Variants in EIF4A2 observed in about 807,000 individuals in gnomAD.
EIF4A2 encodes eukaryotic initiation factor 4A-II.
In EIF4A2, 9 loss-of-function variants were observed where a neutral mutation model predicts 50.6. That is an observed-to-expected ratio of 0.18 (90% CI 0.11 to 0.31). EIF4A2 has a LOEUF of 0.31. Among genes scored for constraint, EIF4A2 ranks in the 10% least tolerant of loss-of-function variants. The pLI, the probability that EIF4A2 is intolerant of heterozygous loss-of-function variation, is 1.00. For missense variants in EIF4A2, 182 were observed against 501.8 expected, an observed-to-expected ratio of 0.36 and a Z score of 6.09; for synonymous variants, 215 against 164.4, an observed-to-expected ratio of 1.31 and a Z score of -2.35.
chr3:186,789,344 T>C lies in EIF4A2; in HGVS notation c.*75T>C, dbSNP rs1721987858. 2.0e-6 allele frequency: 3 copies of C among 1,514,426 alleles called. No homozygotes were observed. In the Admixed American group the frequency reaches 6.6e-5, roughly 33 times the overall value. 93.8% of individuals were successfully genotyped at this position (1,514,426 alleles called of 1,614,324 possible). On this transcript the variant is annotated 3_prime_UTR_variant, in exon 11 of 11. Transcript: ENST00000323963. The stretch of plus-strand genomic sequence containing the variant: ...GATCACAACGTGCATTGTGCTTCTT[T>C]CTTTGGGAATATTTGAATCTTGTCT...
chr3:186,789,356 TTTGAATC>T lies in EIF4A2; in HGVS notation c.*91_*97del. The T allele has an allele frequency of 1.3e-6, 2 of 1,502,626 alleles. No individual in the cohort carries two copies. Among genetic ancestry groups the T allele is most frequent in the Non-Finnish European group, 1.8e-6 (2 of 1,120,964 alleles). 93.1% of individuals were successfully genotyped at this position (1,502,626 alleles called of 1,614,324 possible). A position where few individuals can be genotyped will look rare whatever the true frequency, so the allele number is the denominator to read the frequency against. Reference sequence around the variant, plus strand: ...CATTGTGCTTCTTTCTTTGGGAATATTTGAATCTTGTCTCAATGCTCATAACGGATCA... The same window carrying T: ...CATTGTGCTTCTTTCTTTGGGAATATTTGTCTCAATGCTCATAACGGATCA... On this transcript the variant is annotated 3_prime_UTR_variant, in exon 11 of 11. Coordinates refer to ENST00000323963, the MANE Select transcript of EIF4A2 (RefSeq NM_001967.4).
chr3:186,789,870 GTTAAATAAATTGTATA>G lies in EIF4A2; in HGVS notation c.*604_*619del, dbSNP rs1722013509. On this transcript the variant is annotated 3_prime_UTR_variant, in exon 11 of 11. Coordinates refer to ENST00000323963, the MANE Select transcript of EIF4A2 (RefSeq NM_001967.4). ...GCACATGTCTTAATGAAGTTTGAAT[GTTAAATAAATTGTATA>G]TTCACTTTAAAGGTGCTTTTGGTCA... 3.2e-5 allele frequency: 25 copies of G among 785,382 alleles called. No individual in the cohort carries two copies. The East Asian group carries it at 6.7e-4, about 21-fold the overall frequency. 48.7% of individuals were successfully genotyped at this position (785,382 alleles called of 1,614,324 possible). A position where few individuals can be genotyped will look rare whatever the true frequency, so the allele number is the denominator to read the frequency against.
rs1433398821 is a variant in EIF4A2 at position 186,786,228 on chromosome 3, G to A, written c.582G>A (p.Lys194=). 1.9e-6 allele frequency: 3 copies of A among 1,613,748 alleles called. No individual in the cohort carries two copies. The highest frequency in any genetic ancestry group is 1.7e-5 in the Admixed American group (1 of 59,988). ...EADEMLSRGF[K]DQIYEIFQKL... ...ATGAAATGTTGAGCCGTGGTTTTAA[G>A]GATCAAATCTATGAGATTTTCCAAA... The change falls in exon 6 of 11, where the codon AAG becomes AAA. Residue 194 remains lysine (K), a synonymous_variant. Coordinates refer to ENST00000323963, the MANE Select transcript of EIF4A2 (RefSeq NM_001967.4).
intron 10 of EIF4A2, chr3:186,788,458 ATTT>A: frequency 4.9e-6 from 6 of 1,224,614 alleles, no homozygotes; most frequent in South Asian, 1.4e-5. Flanking sequence ...TGATTATTTG[ATTT>A]TTAAGTTGCT....
chr3:186,788,417 G>A, intron 10 of EIF4A2: 5 of 1,258,956 alleles, frequency 4.0e-6, no homozygotes, highest in Non-Finnish European at 5.1e-6. Context: ...TAAAGAGCGA[G>A]TCGGTATTTA....
chr3:186,787,233 T>G lies in EIF4A2; in HGVS notation c.878T>G (p.Met293Arg). 6.2e-7 allele frequency: 1 copy of G among 1,614,142 alleles called. No homozygotes were observed. Among genetic ancestry groups the G allele is most frequent in the Non-Finnish European group, 8.5e-7 (1 of 1,180,004 alleles). Reference sequence around the variant, plus strand: ...AAGGTGGACTGGCTGACTGAGAAGATGCATGCCAGAGACTTCACAGTTTCT... The same window carrying G: ...AAGGTGGACTGGCTGACTGAGAAGAGGCATGCCAGAGACTTCACAGTTTCT... ...RRKVDWLTEK[M>R]HARDFTVSAL... is the part of the protein sequence containing the mutation. The change falls in exon 8 of 11, where the codon ATG (methionine) becomes AGG (arginine). Residue 293 changes from methionine to arginine, a missense_variant. Met to Arg is a moderately conservative substitution (Grantham distance 91). Around this residue, in one of 7 missense-constraint regions of EIF4A2, gnomAD observed 113 missense variants for 357.3 expected, o/e 0.32. Transcript: ENST00000323963.
Position 186,789,349 on chromosome 3 carries a change from G to C in EIF4A2, c.*80G>C. The C allele has an allele frequency of 3.3e-6, 5 of 1,506,462 alleles. No individual in the cohort carries two copies. The East Asian group carries it at 7.0e-5, about 21-fold the overall frequency. 93.3% of individuals were successfully genotyped at this position (1,506,462 alleles called of 1,614,324 possible). On this transcript the variant is annotated 3_prime_UTR_variant, in exon 11 of 11. Coordinates refer to ENST00000323963, the MANE Select transcript of EIF4A2 (RefSeq NM_001967.4). ...CAACGTGCATTGTGCTTCTTTCTTT[G>C]GGAATATTTGAATCTTGTCTCAATG...
rs371597681 is a variant in EIF4A2 at position 186,789,301 on chromosome 3, C to A, written c.*32C>A. 3 of 1,586,770 alleles carry A rather than the reference C, an allele frequency of 1.9e-6. No individual in the cohort carries two copies. Among genetic ancestry groups the A allele is most frequent in the Admixed American group, 1.8e-5 (1 of 55,996 alleles). ...GGATGAGAGTTTTGGATGCAGTGCT[C>A]GCTGTTGCTGAATAGGCGATCACAA... On this transcript the variant is annotated 3_prime_UTR_variant, in exon 11 of 11. Coordinates refer to ENST00000323963, the MANE Select transcript of EIF4A2 (RefSeq NM_001967.4).
chr3:186,784,921 T>C, intron 3 of EIF4A2, 41 bp from the exon 4 acceptor site: 2 of 1,613,992 alleles, frequency 1.2e-6, no homozygotes, highest in Non-Finnish European at 1.7e-6. Flanking sequence ...GAAGTGACAA[T>C]TTGATGTGGG....
intron 1 of EIF4A2, 74 bp from the exon 2 acceptor site, chr3:186,784,358 C>T (rs1238678766): frequency 3.1e-6 from 5 of 1,609,866 alleles, no homozygotes; most frequent in Non-Finnish European, 4.2e-6. Context: ...AGACGGGTTG[C>T]AAAGGGCTAT....
chr3:186,785,674 G>A, intron 4 of EIF4A2: 1 of 539,292 alleles, frequency 1.9e-6, no homozygotes, highest in Non-Finnish European at 3.2e-6. Flanking sequence ...TGGAGCAGCA[G>A]CATCCCAAGT....
chr3:186,783,856 C>T (rs938224073), intron 1 of EIF4A2: 4 of 666,604 alleles, frequency 6.0e-6, no homozygotes, highest in East Asian at 2.8e-5. Context: ...GGCGTTTTTC[C>T]TCTCTAAGAC....
chr3:186,787,370 T>G, intron 8 of EIF4A2, 106 bp downstream of exon 8: 1 of 1,610,448 alleles, frequency 6.2e-7, no homozygotes. Flanking sequence ...AATAAAGTTG[T>G]TTCTTAACTA....
chr3:186,785,319 C>T, intron 4 of EIF4A2: 2 of 631,828 alleles, frequency 3.2e-6, no homozygotes, highest in Non-Finnish European at 5.3e-6. Flanking sequence ...ATCCGAAGCG[C>T]TCTCTTGGAT....
At chr3:186,788,519 C>A in intron 10 of EIF4A2, 1 of 995,432 alleles carries the variant, frequency 1.0e-6, no homozygotes, top group Middle Eastern at 2.7e-4. Flanking sequence ...GGGAACCTTT[C>A]TTATTAGGTG....
rs368316281 is a variant in EIF4A2, at chr3:186,783,587, G to T, written c.-24G>T. On this transcript the variant is annotated 5_prime_UTR_variant, in exon 1 of 11. Transcript: ENST00000323963. ...GTTGGGCGCCGCTGTCTTTTCAGTCGGGCGCTGAGTGGTTTTTCGGATCAT... is the reference window on the plus strand; with the variant it reads ...GTTGGGCGCCGCTGTCTTTTCAGTCTGGCGCTGAGTGGTTTTTCGGATCAT... The T allele has an allele frequency of 4.6e-4, 739 of 1,614,020 alleles. No homozygotes were observed. Among genetic ancestry groups the T allele is most frequent in the Non-Finnish European group, 5.8e-4 (685 of 1,180,030 alleles).
chr3:186,783,682 A>T, intron 1 of EIF4A2, 43 bp downstream of exon 1: 4 of 1,614,012 alleles, frequency 2.5e-6, no homozygotes, highest in Non-Finnish European at 2.5e-6. Flanking sequence ...TGAAGGTCAT[A>T]GGGCGCCAGG....
chr3:186,789,369 T>C lies in EIF4A2; in HGVS notation c.*100T>C. On this transcript the variant is annotated 3_prime_UTR_variant, in exon 11 of 11. Coordinates refer to ENST00000323963, the MANE Select transcript of EIF4A2 (RefSeq NM_001967.4). Reference sequence around the variant, plus strand: ...TCTTTGGGAATATTTGAATCTTGTCTCAATGCTCATAACGGATCAGAAATA... The same window carrying C: ...TCTTTGGGAATATTTGAATCTTGTCCCAATGCTCATAACGGATCAGAAATA... The C allele has an allele frequency of 6.8e-7, 1 of 1,476,640 alleles. No individual in the cohort carries two copies. Among genetic ancestry groups the C allele is most frequent in the Non-Finnish European group, 9.1e-7 (1 of 1,099,528 alleles). 91.5% of individuals were successfully genotyped at this position (1,476,640 alleles called of 1,614,324 possible).
intron 10 of EIF4A2, chr3:186,788,283 T>C: frequency 7.7e-7 from 1 of 1,291,946 alleles, no homozygotes; most frequent in Non-Finnish European, 1.0e-6. Context: ...TTATATGATG[T>C]AAAAAAAGAC....
Sources: allele counts gnomAD v4.1 joint callset, GRCh38; gene constraint gnomAD v4.1.1; regional missense constraint gnomAD v4.1.1; transcripts MANE v1.5; gene names NCBI Gene and HGNC (gene_info 2026-07-23, HGNC 2026-07-21).